ANKRD42: variants seen among roughly 807,000 people sequenced by gnomAD.
ANKRD42 encodes ankyrin repeat domain 42.
Under a neutral mutation model 51.5 loss-of-function variants are expected in ANKRD42, and 43 were observed. That is an observed-to-expected ratio of 0.83 (90% CI 0.65 to 1.08). The LOEUF is 1.08. Among genes scored for constraint, ANKRD42 ranks in the 50% least tolerant of loss-of-function variants. The probability of loss-of-function intolerance (pLI) is 0.00; values close to 1 mark genes in which losing one functional copy is unlikely to be tolerated. For missense variants in ANKRD42, 608 were observed against 629.3 expected (o/e 0.97, Z 0.36); for synonymous variants, 203 against 213.0 (o/e 0.95, Z 0.41).
chr11:83,261,728 T>A, downstream of ANKRD42: 1 of 461,464 alleles, frequency 2.2e-6, no homozygotes, highest in Non-Finnish European at 3.9e-6. Context: ...ACACCTGCAC[T>A]CACACACACA....
At chr11:83,204,337 T>C (rs999162189) in intron 2 of ANKRD42, among the ~76,000 whole-genome samples, 3 of 152,240 alleles carry the variant, frequency 2.0e-5, no homozygotes, top group Admixed American at 6.5e-5. Context: ...CATATTCATA[T>C]GTAAGAAAAT....
At chr11:83,226,212 C>CACACACACATACATATGTACACAT (rs1590991400) in intron 6 of ANKRD42, among the ~76,000 whole-genome samples, 2 of 15,304 alleles carry the variant, frequency 1.3e-4, no homozygotes, top group East Asian at 1.7e-3. Flanking sequence ...TGTACACATA[C>CACACACACATACATATGTACACAT]ACACACACAC....
rs557140069 is a variant in ANKRD42 at position 83,194,838 on chromosome 11, C to A, written c.58+110C>A. 1,042 of 1,125,892 alleles carry A rather than the reference C, an allele frequency of 9.3e-4. 5 individuals are homozygous for A. The highest frequency in any genetic ancestry group is 1.8e-3 in the Middle Eastern group (8 of 4,468). The allele number at this position is 1,125,892 out of a possible 1,614,324, so 69.7% of individuals were successfully genotyped here. A position where few individuals can be genotyped will look rare whatever the true frequency, so the allele number is the denominator to read the frequency against. On this transcript the variant is annotated intron_variant, in intron 1 of 10. Coordinates refer to ENST00000533342, the MANE Select transcript of ANKRD42 (RefSeq NM_001300975.2). ...TTCCTTTTCTCAGCCGTCACTCCCC[C>A]CTTTCCCTTTTTAATTTATTTTCAG...
chr11:83,262,026 A>G, downstream of ANKRD42: 1 of 1,199,984 alleles, frequency 8.3e-7, no homozygotes, highest in Non-Finnish European at 1.2e-6. Context: ...GCAGAGATAA[A>G]GAGAATAATG....
chr11:83,233,921 G>T (rs1007283765), intron 7 of ANKRD42, among the ~76,000 whole-genome samples: 1 of 152,314 alleles, frequency 6.6e-6, no homozygotes, highest in Middle Eastern at 3.4e-3. Flanking sequence ...GACCTCAGGT[G>T]ATCCACCCGC....
intron 2 of ANKRD42, among the ~76,000 whole-genome samples, chr11:83,199,145 A>G (rs1215023132): frequency 6.6e-6 from 1 of 152,204 alleles, no homozygotes; most frequent in Non-Finnish European, 1.5e-5. Context: ...TAAAATGAAT[A>G]TGTATTCTAA....
intron 5 of ANKRD42, among the ~76,000 whole-genome samples, chr11:83,212,056 GC>G (rs1862343526): frequency 1.3e-5 from 2 of 151,534 alleles, no homozygotes; most frequent in East Asian, 1.9e-4. Flanking sequence ...ACCTCTCTCT[GC>G]CCCATAGACA....
chr11:83,208,190 A>AT lies in ANKRD42; in HGVS notation c.330+2033dup, dbSNP rs1042029155. Reference sequence around the variant, plus strand: ...CAACATGCATCACCTTGCCTGGCTAATTTTTTTTGTAGAGATGTCTGTGGG... The same window carrying AT: ...CAACATGCATCACCTTGCCTGGCTAATTTTTTTTTGTAGAGATGTCTGTGGG... On this transcript the variant is annotated intron_variant, in intron 3 of 10. Coordinates refer to ENST00000533342, the MANE Select transcript of ANKRD42 (RefSeq NM_001300975.2). Among the ~76,000 whole-genome samples the AT allele has an allele frequency of 2.9e-4, 43 of 150,368 alleles. No individual in the cohort carries two copies. The East Asian group carries it at 8.0e-3, about 28-fold the overall frequency.
intron 2 of ANKRD42, among the ~76,000 whole-genome samples, chr11:83,205,576 A>AT (rs1378375600): frequency 6.6e-6 from 1 of 152,014 alleles, no homozygotes; most frequent in Non-Finnish European, 1.5e-5. Context: ...GACTTCTCTC[A>AT]TTTTTTTTAA....
intron 2 of ANKRD42, among the ~76,000 whole-genome samples, chr11:83,200,723 T>A (rs1861835861): frequency 6.6e-6 from 1 of 152,214 alleles, no homozygotes; most frequent in African/African-American, 2.4e-5. Context: ...GTGGTCCACC[T>A]GTAGTCCATA....
At chr11:83,215,347 T>C (rs1304908272) in intron 5 of ANKRD42, 1 of 152,248 alleles carries the variant, frequency 6.6e-6, no homozygotes, top group Non-Finnish European at 1.5e-5. Flanking sequence ...CGTGTGTTTC[T>C]ATAGATGAAG....
intron 1 of ANKRD42, among the ~76,000 whole-genome samples, chr11:83,196,904 T>C (rs957455817): frequency 1.3e-5 from 2 of 152,154 alleles, no homozygotes; most frequent in African/African-American, 4.8e-5. Context: ...CCAGTGGCAG[T>C]TTAGAGTAGG....
chr11:83,246,698 G>A (rs1256171278), intron 10 of ANKRD42, among the ~76,000 whole-genome samples: 6 of 152,158 alleles, frequency 3.9e-5, no homozygotes, highest in Non-Finnish European at 8.8e-5. Flanking sequence ...AGAACTGCCT[G>A]TTTCCCTTTC....
chr11:83,248,152 A>T lies in ANKRD42; in HGVS notation c.1532A>T (p.Gln511Leu). Residue 511 changes from glutamine to leucine, a missense_variant, in exon 11 of 11, where the codon CAA becomes CTA. Physicochemically the swap from Gln to Leu is moderately radical, Grantham distance 113 (BLOSUM62 -2). Transcript: ENST00000533342. The stretch of plus-strand genomic sequence containing the variant: ...TATATACAAGAGTGGCCAAGAGTAC[A>T]AGCTTTGGGCTGGGGCTCTTTGGAC... ...KKYIQEWPRVQALGWGSLDLN... is the reference protein window; with the variant it reads ...KKYIQEWPRVLALGWGSLDLN... The T allele has an allele frequency of 6.5e-7, 1 of 1,539,374 alleles. No homozygotes were observed. Among genetic ancestry groups the T allele is most frequent in the Non-Finnish European group, 8.7e-7 (1 of 1,144,956 alleles).
downstream of ANKRD42, among the ~76,000 whole-genome samples, chr11:83,251,484 T>C (rs1241669737): frequency 6.6e-6 from 1 of 152,208 alleles, no homozygotes. Context: ...ATCTTCATTT[T>C]ATAAATGAAG....
rs181890779 is a variant in ANKRD42, at chr11:83,208,622, T to C, written c.331-1678T>C. On this transcript the variant is annotated intron_variant, in intron 3 of 10. Coordinates refer to ENST00000533342, the MANE Select transcript of ANKRD42 (RefSeq NM_001300975.2). ...AGAAAGAAAATGAGCCAAGATATCT[T>C]GCAAAGCAAACATTGACAGAGCGTA... 8.5e-5 allele frequency among the ~76,000 whole-genome samples: 13 copies of C among 152,290 alleles called. No individual in the cohort carries two copies. The East Asian group carries it at 2.1e-3, about 25-fold the overall frequency.
chr11:83,229,860 G>A (rs1200072782), intron 7 of ANKRD42, among the ~76,000 whole-genome samples: 1 of 151,898 alleles, frequency 6.6e-6, no homozygotes, highest in African/African-American at 2.4e-5. Context: ...TTTCTTTTTA[G>A]TTTTTGTGGG....
At chr11:83,231,838 T>C (rs191115758) in intron 7 of ANKRD42, among the ~76,000 whole-genome samples, 13 of 152,262 alleles carry the variant, frequency 8.5e-5, no homozygotes, top group African/African-American at 2.9e-4. Context: ...TGTTCTTGTA[T>C]GTTCTTAGCA....
intron 8 of ANKRD42, among the ~76,000 whole-genome samples, chr11:83,238,435 C>T (rs667450): frequency 0.71 from 108,346 of 152,104 alleles, 39,361 homozygotes; most frequent in African/African-American, 0.84. Context: ...GTGGCTCACA[C>T]CTGTAATCCC....
Sources: allele counts gnomAD v4.1 joint callset (sites outside exome capture counted in the v4.1 genomes callset), GRCh38; gene constraint gnomAD v4.1.1; transcripts MANE v1.5; gene names NCBI Gene and HGNC (gene_info 2026-07-23, HGNC 2026-07-21).